The following SNX29 variants were observed in gnomAD, a reference collection of about 807,000 sequenced individuals.
SNX29 encodes sorting nexin-29.
Under a neutral mutation model 102.1 loss-of-function variants are expected in SNX29, and 78 were observed. The ratio of observed to expected loss-of-function variants is 0.76; its 90% CI spans 0.64 to 0.92. SNX29 has a LOEUF of 0.92. Among genes scored for constraint, SNX29 ranks in the 40% least tolerant of loss-of-function variants. The probability of loss-of-function intolerance (pLI) is 0.00; values close to 1 mark genes in which losing one functional copy is unlikely to be tolerated. For missense variants in SNX29, 1,280 were observed against 1,061.7 expected (o/e 1.21, Z -2.86); for synonymous variants, 580 against 414.5 (o/e 1.40, Z -4.85).
chr16:12,355,436 G>A (rs1208458579), intron 15 of SNX29, among the ~76,000 whole-genome samples: 41 of 152,256 alleles, frequency 2.7e-4, no homozygotes, highest in Non-Finnish European at 1.5e-5. Context: ...GTCCTGGGGC[G>A]TTGGAGGGGT....
At position 12,182,617 on chromosome 16, in the gene SNX29, G is replaced by C. The variant is rs146445085; in HGVS notation, c.1596-16984G>C. Among the ~76,000 whole-genome samples the C allele has an allele frequency of 6.4e-4, 97 of 152,210 alleles. No individual in the cohort carries two copies. The East Asian group carries it at 0.018, about 29-fold the overall frequency. On this transcript the variant is annotated intron_variant, in intron 13 of 20. Transcript: ENST00000566228. Reference sequence around the variant, plus strand: ...GTTACCTCTAGCCTGAGTTTCATCTGTTTACCCTCAATGGGACATAGAAAT... The same window carrying C: ...GTTACCTCTAGCCTGAGTTTCATCTCTTTACCCTCAATGGGACATAGAAAT...
At chr16:12,113,224 T>G (rs2053566594) in intron 11 of SNX29, among the ~76,000 whole-genome samples, 1 of 152,170 alleles carries the variant, frequency 6.6e-6, no homozygotes, top group Non-Finnish European at 1.5e-5. Flanking sequence ...TTTTCCCCAT[T>G]GAATCACCTC....
intron 3 of SNX29, among the ~76,000 whole-genome samples, chr16:12,022,478 G>T (rs2057057838): frequency 6.6e-6 from 1 of 152,084 alleles, no homozygotes; most frequent in Non-Finnish European, 1.5e-5. Context: ...TGGGATTACA[G>T]GCATGAGCCA....
intron 4 of SNX29, among the ~76,000 whole-genome samples, chr16:12,033,643 G>C (rs955957927): frequency 1.4e-5 from 2 of 145,664 alleles, no homozygotes; most frequent in African/African-American, 5.1e-5. Flanking sequence ...AGTCTGATCT[G>C]TTGCCCATGC....
intron 20 of SNX29, among the ~76,000 whole-genome samples, chr16:12,532,665 T>C (rs1053764659): frequency 1.3e-5 from 2 of 152,098 alleles, no homozygotes; most frequent in African/African-American, 2.4e-5. Context: ...GGCTGACATA[T>C]GGGGGATCAC....
intron 1 of SNX29, among the ~76,000 whole-genome samples, chr16:11,978,005 G>A (rs1318957991): frequency 6.6e-6 from 1 of 152,138 alleles, no homozygotes; most frequent in East Asian, 1.9e-4. Context: ...GTTGAGCGGG[G>A]GGCAAGGCCA....
intron 15 of SNX29, among the ~76,000 whole-genome samples, chr16:12,340,035 G>GA (rs2081567595): frequency 6.6e-6 from 1 of 152,216 alleles, no homozygotes; most frequent in Admixed American, 6.5e-5. Flanking sequence ...GAGGGTCACT[G>GA]AAAAAGGGTC....
At position 11,992,373 on chromosome 16, in the gene SNX29, A is replaced by G. The variant is rs560395216; in HGVS notation, c.8-6924A>G. On this transcript the variant is annotated intron_variant, in intron 1 of 20. Coordinates refer to ENST00000566228, the MANE Select transcript of SNX29 (RefSeq NM_032167.5). ...GTTCTAAAGCAAGCAGTTCAGGGGC[A>G]TTTAGTACAGTTGCATTGTTGAGCA... Among the ~76,000 whole-genome samples the G allele has an allele frequency of 6.6e-5, 10 of 150,626 alleles. No individual in the cohort carries two copies. In the South Asian group the frequency reaches 2.1e-3, roughly 32 times the overall value.
chr16:11,978,439 A>G (rs2055348881), intron 1 of SNX29, among the ~76,000 whole-genome samples: 2 of 152,212 alleles, frequency 1.3e-5, no homozygotes, highest in Non-Finnish European at 1.5e-5. Flanking sequence ...GATACCTAGT[A>G]GTACCTATCT....
chr16:12,566,195 C>T (rs967369601), intron 20 of SNX29, among the ~76,000 whole-genome samples: 3 of 152,178 alleles, frequency 2.0e-5, no homozygotes, highest in Admixed American at 6.5e-5. Flanking sequence ...GAATCCTTAC[C>T]ACCACAGTAC....
intron 13 of SNX29, among the ~76,000 whole-genome samples, chr16:12,131,138 C>T (rs942984409): frequency 9.2e-5 from 14 of 152,340 alleles, no homozygotes; most frequent in African/African-American, 2.6e-4. Flanking sequence ...CCTGCTGCGA[C>T]GCAGCTGTGC....
At chr16:12,348,091 T>C (rs1383551739) in intron 15 of SNX29, among the ~76,000 whole-genome samples, 4 of 151,624 alleles carry the variant, frequency 2.6e-5, no homozygotes, top group African/African-American at 9.7e-5. Context: ...AAAACAAAAT[T>C]AAAAAAATAG....
At chr16:12,194,473 G>A (rs1789271251) in intron 13 of SNX29, among the ~76,000 whole-genome samples, 1 of 152,044 alleles carries the variant, frequency 6.6e-6, no homozygotes, top group South Asian at 2.1e-4. Context: ...TTTTTTGGGT[G>A]GGGAGGGCCT....
At chr16:12,161,044 C>T (rs2055763319) in intron 13 of SNX29, among the ~76,000 whole-genome samples, 1 of 152,202 alleles carries the variant, frequency 6.6e-6, no homozygotes, top group Non-Finnish European at 1.5e-5. Flanking sequence ...AAACCCACAC[C>T]CGAGTACATT....
chr16:12,131,017 T>C (rs1281045143), intron 13 of SNX29, among the ~76,000 whole-genome samples: 1 of 152,242 alleles, frequency 6.6e-6, no homozygotes, highest in African/African-American at 2.4e-5. Context: ...GAAATATTCC[T>C]GGAAGTAGGA....
At chr16:12,536,233 T>TTTTTC (rs1314379251) in intron 20 of SNX29, among the ~76,000 whole-genome samples, 1 of 152,064 alleles carries the variant, frequency 6.6e-6, no homozygotes. Flanking sequence ...ATTTCATGTT[T>TTTTTC]TTTTCTTTTT....
At chr16:12,466,086 AAAC>A (rs2087038629) in intron 18 of SNX29, among the ~76,000 whole-genome samples, 1 of 152,252 alleles carries the variant, frequency 6.6e-6, no homozygotes, top group Non-Finnish European at 1.5e-5. Flanking sequence ...ATGAAGAACA[AAAC>A]AACGATGTGT....
intron 16 of SNX29, among the ~76,000 whole-genome samples, chr16:12,373,212 A>T (rs2082747536): frequency 6.6e-6 from 1 of 152,222 alleles, no homozygotes; most frequent in Non-Finnish European, 1.5e-5. Flanking sequence ...AGCTCGCTGC[A>T]GCCTCCGACT....
At chr16:11,982,127 G>A (rs1206885253) in intron 1 of SNX29, among the ~76,000 whole-genome samples, 2 of 151,994 alleles carry the variant, frequency 1.3e-5, no homozygotes, top group African/African-American at 4.8e-5. Context: ...CAATATTTAT[G>A]GATTCATATA....
Sources: allele counts gnomAD v4.1 joint callset (sites outside exome capture counted in the v4.1 genomes callset), GRCh38; gene constraint gnomAD v4.1.1; transcripts MANE v1.5; gene names NCBI Gene and HGNC (gene_info 2026-07-23, HGNC 2026-07-21).